Variants in PDE1A observed in about 807,000 individuals in gnomAD.
PDE1A encodes dual specificity calcium/calmodulin-dependent 3',5'-cyclic nucleotide phosphodiesterase 1A.
A neutral mutation model predicts 61.7 loss-of-function variants in PDE1A; 35 were observed. The ratio of observed to expected loss-of-function variants is 0.57; its 90% confidence interval spans 0.43 to 0.75. The LOEUF is 0.75. PDE1A is among the 30% of genes least tolerant of loss of function. PDE1A has a pLI of 0.00. For synonymous variants in PDE1A, 232 were observed against 213.2 expected, an observed-to-expected ratio of 1.09 and a Z score of -0.77; for missense variants, 597 against 630.6, an observed-to-expected ratio of 0.95 and a Z score of 0.57.
chr2:182,566,609 T>A, the PDE1A span, among the ~76,000 whole-genome samples: 1 of 152,018 alleles, frequency 6.6e-6, no homozygotes, highest in Non-Finnish European at 1.5e-5. Flanking sequence ...GTTTCATGCA[T>A]GTAACTGGAA....
chr2:182,594,087 T>C, the PDE1A span, among the ~76,000 whole-genome samples: 1,400 of 152,294 alleles, frequency 9.2e-3, 11 homozygotes, highest in Middle Eastern at 0.027. Flanking sequence ...ACTTTATAAA[T>C]AAAAAGACCT....
chr2:182,358,035 T>C (rs1015504524), intron 1 of PDE1A, among the ~76,000 whole-genome samples: 1 of 152,200 alleles, frequency 6.6e-6, no homozygotes, highest in African/African-American at 2.4e-5. Context: ...GATGACTATC[T>C]CTTGGTTGGC....
At chr2:182,251,130 G>A (rs1691367622) in intron 2 of PDE1A, among the ~76,000 whole-genome samples, 1 of 152,140 alleles carries the variant, frequency 6.6e-6, no homozygotes, top group African/African-American at 2.4e-5. Context: ...ATGCTCCACT[G>A]ATTAACAAAT....
chr2:182,154,008 T>G (rs777098233), intron 13 of PDE1A, among the ~76,000 whole-genome samples: 55 of 152,024 alleles, frequency 3.6e-4, no homozygotes, highest in Non-Finnish European at 7.4e-4. Context: ...TGTAGAATAT[T>G]GATTTTAACT....
At chr2:182,311,224 C>G (rs1346629811) in intron 1 of PDE1A, among the ~76,000 whole-genome samples, 1 of 152,194 alleles carries the variant, frequency 6.6e-6, no homozygotes, top group African/African-American at 2.4e-5. Flanking sequence ...TAGATAGAAA[C>G]TCTCTAACCA....
intron 1 of PDE1A, among the ~76,000 whole-genome samples, chr2:182,311,715 T>C (rs1695985643): frequency 6.6e-6 from 1 of 152,216 alleles, no homozygotes; most frequent in South Asian, 2.1e-4. Flanking sequence ...AATTTGTTTA[T>C]TCATTCCCCA....
chr2:182,596,894 C>G, the PDE1A span, among the ~76,000 whole-genome samples: 10 of 152,166 alleles, frequency 6.6e-5, no homozygotes, highest in Non-Finnish European at 1.2e-4. Flanking sequence ...TGGCTCATAC[C>G]TGTAATCCTA....
chr2:182,485,048 A>C (rs1444100756), intron 2 of PDE1A, among the ~76,000 whole-genome samples: 1 of 152,118 alleles, frequency 6.6e-6, no homozygotes, highest in Non-Finnish European at 1.5e-5. Flanking sequence ...TCATTCTACT[A>C]TAAAGACACT....
exon 3 of PDE1A, chr2:182,240,228 G>T (rs763837353): frequency 3.1e-6 from 5 of 1,612,916 alleles, no homozygotes; most frequent in Middle Eastern, 1.7e-4. Context: ...AACCAGTCCC[G>T]GACTTCAGAT....
intron 1 of PDE1A, among the ~76,000 whole-genome samples, chr2:182,390,305 C>T (rs1363921818): frequency 6.6e-6 from 1 of 152,180 alleles, no homozygotes; most frequent in African/African-American, 2.4e-5. Context: ...AAGGACTCTA[C>T]TTCTAACAGT....
At chr2:182,640,808 T>C in the PDE1A span, among the ~76,000 whole-genome samples, 1 of 151,822 alleles carries the variant, frequency 6.6e-6, no homozygotes, top group East Asian at 1.9e-4. Flanking sequence ...TCACTTGAGG[T>C]CAGGAGTTCA....
chr2:182,640,820 G>C, the PDE1A span, among the ~76,000 whole-genome samples: 1 of 151,982 alleles, frequency 6.6e-6, no homozygotes, highest in Non-Finnish European at 1.5e-5. Flanking sequence ...AGGAGTTCAA[G>C]ACCAGACTGG....
chr2:182,160,806 T>C (rs1691338332), intron 13 of PDE1A, among the ~76,000 whole-genome samples: 1 of 152,062 alleles, frequency 6.6e-6, no homozygotes, highest in Non-Finnish European at 1.5e-5. Flanking sequence ...ATTGGTTCTG[T>C]CCCCCTGGAG....
At chr2:182,568,938 A>AAAT in the PDE1A span, among the ~76,000 whole-genome samples, 3 of 152,014 alleles carry the variant, frequency 2.0e-5, no homozygotes, top group Admixed American at 6.6e-5. Context: ...AAATTGAAAA[A>AAAT]AATAATAATA....
chr2:182,233,382 C>T (rs1379707746), intron 4 of PDE1A, among the ~76,000 whole-genome samples: 3 of 151,922 alleles, frequency 2.0e-5, no homozygotes, highest in South Asian at 2.1e-4. Flanking sequence ...ATAGGGTTTG[C>T]GCTCCTATCA....
At chr2:182,327,928 A>C (rs1393806081) in intron 1 of PDE1A, among the ~76,000 whole-genome samples, 1 of 152,198 alleles carries the variant, frequency 6.6e-6, no homozygotes, top group Non-Finnish European at 1.5e-5. Context: ...GTCTGGAGTA[A>C]AGTGAAAGGT....
the PDE1A span, among the ~76,000 whole-genome samples, chr2:182,561,230 G>C: frequency 1.3e-5 from 2 of 152,034 alleles, no homozygotes; most frequent in Non-Finnish European, 2.9e-5. Context: ...ATTAATTTTT[G>C]TATAAGGTGT....
rs745728862 is a variant in PDE1A, at chr2:182,189,067, A to C, written c.1126-7T>G. 5.6e-6 allele frequency: 9 copies of C among 1,600,350 alleles called. No homozygotes were observed. The highest frequency in any genetic ancestry group is 1.7e-5 in the Admixed American group (1 of 59,680). ...ATTCAGCTTCTTTATCTCCCTGGAGAAAGAAAAGCACATTAATATAGACTT... is the reference window on the plus strand; with the variant it reads ...ATTCAGCTTCTTTATCTCCCTGGAGCAAGAAAAGCACATTAATATAGACTT... On this transcript the variant is annotated splice_polypyrimidine_tract_variant and splice_region_variant and intron_variant, in intron 10 of 13. Transcript: ENST00000351439.
intron 1 of PDE1A, among the ~76,000 whole-genome samples, chr2:182,347,502 C>T (rs1308540705): frequency 6.6e-6 from 1 of 152,104 alleles, no homozygotes. Flanking sequence ...CCCTCGTAAT[C>T]TCCTTTAATA....
Sources: gnomAD v4.1 joint callset for allele counts (sites outside exome capture counted in the v4.1 genomes callset) on GRCh38, gnomAD v4.1.1 for gene constraint, MANE v1.5 for transcripts, NCBI Gene and HGNC (gene_info 2026-07-23, HGNC 2026-07-21) for gene names.